Variants in SLC25A26 observed in about 807,000 individuals in gnomAD.
SLC25A26 encodes solute carrier family 25 member 26, also known as mitochondrial S-adenosylmethionine carrier protein.
In SLC25A26, 36 loss-of-function variants were observed where a neutral mutation model predicts 37.8. The observed-to-expected ratio is 0.95, with a 90% CI of 0.73 to 1.26. SLC25A26 has a LOEUF of 1.26. Among genes scored for constraint, SLC25A26 ranks in the 50% most tolerant of loss-of-function variants. The pLI is 0.00. For missense variants in SLC25A26, 390 were observed against 331.1 expected, an observed-to-expected ratio of 1.18 and a Z score of -1.38; for synonymous variants, 129 against 122.5, an observed-to-expected ratio of 1.05 and a Z score of -0.35.
chr3:66,134,744 T>C (rs918065859), intron 1 of SLC25A26, among the ~76,000 whole-genome samples: 23 of 152,246 alleles, frequency 1.5e-4, no homozygotes, highest in African/African-American at 5.3e-4. Flanking sequence ...AATTTCCATA[T>C]TGATCAGGAC....
chr3:66,150,974 G>C (rs1047902993), intron 1 of SLC25A26, among the ~76,000 whole-genome samples: 3 of 151,876 alleles, frequency 2.0e-5, no homozygotes, highest in African/African-American at 7.3e-5. Context: ...CAGGTGCCTA[G>C]CACTGTGCTA....
chr3:66,211,215 G>C (rs1469838058), intron 1 of SLC25A26, among the ~76,000 whole-genome samples: 1 of 152,194 alleles, frequency 6.6e-6, no homozygotes, highest in Non-Finnish European at 1.5e-5. Context: ...TCGACCTGTA[G>C]CATTAAGCGG....
intron 2 of SLC25A26, among the ~76,000 whole-genome samples, chr3:66,240,946 CTG>C (rs934284839): frequency 1.5e-4 from 23 of 151,934 alleles, no homozygotes; most frequent in African/African-American, 5.3e-4. Context: ...CGGGGTTTCA[CTG>C]TGTTAGCCAA....
intron 1 of SLC25A26, among the ~76,000 whole-genome samples, chr3:66,233,222 C>G (rs961909465): frequency 1.3e-5 from 2 of 152,240 alleles, no homozygotes; most frequent in African/African-American, 4.8e-5. Flanking sequence ...CCTATAACTT[C>G]TCAGAGTAAT....
At chr3:66,347,157 A>C (rs890793053) in intron 6 of SLC25A26, among the ~76,000 whole-genome samples, 2 of 152,254 alleles carry the variant, frequency 1.3e-5, no homozygotes, top group Non-Finnish European at 2.9e-5. Context: ...TCTGCACAGC[A>C]AAAGAAACTA....
chr3:66,293,505 G>GTT (rs761582429), intron 5 of SLC25A26, among the ~76,000 whole-genome samples: 32 of 141,972 alleles, frequency 2.3e-4, no homozygotes, highest in Non-Finnish European at 3.1e-4. Flanking sequence ...GTGCCCATTA[G>GTT]TTTTTTTTTT....
At chr3:66,236,455 T>C (rs2072289782) in intron 1 of SLC25A26, 89 bp from the exon 2 acceptor site, 2 of 1,018,148 alleles carry the variant, frequency 2.0e-6, no homozygotes, top group East Asian at 2.7e-5. Context: ...CTTTAAAGAC[T>C]GTCTTCCTAT....
chr3:66,364,592 A>G (rs1241717502), intron 7 of SLC25A26, among the ~76,000 whole-genome samples: 3 of 152,190 alleles, frequency 2.0e-5, no homozygotes, highest in African/African-American at 7.2e-5. Context: ...TAGAAGCAAC[A>G]ATTCCTACCT....
At chr3:66,198,361 G>A (rs2071071506) in intron 1 of SLC25A26, among the ~76,000 whole-genome samples, 3 of 152,048 alleles carry the variant, frequency 2.0e-5, no homozygotes, top group Admixed American at 1.3e-4. Flanking sequence ...AGACACTGCA[G>A]TTCATGAACG....
chr3:66,222,647 G>A (rs1430785471), intron 1 of SLC25A26, among the ~76,000 whole-genome samples: 1 of 152,198 alleles, frequency 6.6e-6, no homozygotes, highest in African/African-American at 2.4e-5. Flanking sequence ...AATGAGGGAA[G>A]TGGGATACCA....
intron 4 of SLC25A26, 59 bp downstream of exon 4, chr3:66,262,214 G>T: frequency 2.4e-6 from 2 of 841,054 alleles, no homozygotes; most frequent in South Asian, 3.7e-5. Flanking sequence ...TAGCTAATAC[G>T]AACACTGTGG....
intron 1 of SLC25A26, among the ~76,000 whole-genome samples, chr3:66,232,738 C>T (rs138081222): frequency 0.037 from 5,671 of 152,320 alleles, 122 homozygotes; most frequent in Non-Finnish European, 0.053. Flanking sequence ...GCTCCAGAAC[C>T]TCCAGAGCCT....
At chr3:66,326,063 G>A (rs2075830099) in intron 5 of SLC25A26, among the ~76,000 whole-genome samples, 1 of 152,152 alleles carries the variant, frequency 6.6e-6, no homozygotes, top group Middle Eastern at 3.2e-3. Flanking sequence ...CTTCTGAAGA[G>A]AAATGAGGTG....
intron 5 of SLC25A26, among the ~76,000 whole-genome samples, chr3:66,275,957 A>G (rs1442349659): frequency 6.6e-6 from 1 of 152,122 alleles, no homozygotes; most frequent in Non-Finnish European, 1.5e-5. Flanking sequence ...TATTGTCTGA[A>G]TAAACACCAT....
chr3:66,279,074 G>T (rs782735), intron 5 of SLC25A26, among the ~76,000 whole-genome samples: 14,933 of 152,118 alleles, frequency 0.098, 1,249 homozygotes, highest in African/African-American at 0.23. Flanking sequence ...CACTCTATCA[G>T]TTGCTAAAAT....
chr3:66,336,178 C>A (rs1187668526), intron 5 of SLC25A26, among the ~76,000 whole-genome samples: 1 of 152,004 alleles, frequency 6.6e-6, no homozygotes, highest in African/African-American at 2.4e-5. Context: ...TCTTTGGTAC[C>A]AGAAAAATTG....
intron 5 of SLC25A26, among the ~76,000 whole-genome samples, chr3:66,291,215 A>T (rs1251836728): frequency 6.6e-6 from 1 of 150,884 alleles, no homozygotes; most frequent in Non-Finnish European, 1.5e-5. Context: ...TTTCTTCTTT[A>T]TTTGTCTGGC....
chr3:66,364,333 C>T (rs754848209), intron 7 of SLC25A26, among the ~76,000 whole-genome samples: 1 of 152,160 alleles, frequency 6.6e-6, no homozygotes, highest in African/African-American at 2.4e-5. Context: ...ATCAGACATC[C>T]TCTATCTATG....
chr3:66,357,731 T>C (rs2107788111), intron 6 of SLC25A26, among the ~76,000 whole-genome samples: 1 of 152,204 alleles, frequency 6.6e-6, no homozygotes, highest in Admixed American at 6.5e-5. Context: ...AAAAAACTTT[T>C]GTAAACCCAC....
Sources: gnomAD v4.1 joint callset for allele counts (sites outside exome capture counted in the v4.1 genomes callset) on GRCh38, gnomAD v4.1.1 for gene constraint, MANE v1.5 for transcripts, NCBI Gene and HGNC (gene_info 2026-07-23, HGNC 2026-07-21) for gene names.